Variants in GLIS3 observed in about 807,000 individuals in gnomAD.
GLIS3 encodes the protein zinc finger protein GLIS3.
Under a neutral mutation model 78.6 loss-of-function variants are expected in GLIS3, and 53 were observed. The ratio of observed to expected loss-of-function variants is 0.67; its 90% confidence interval spans 0.54 to 0.85. GLIS3 has a LOEUF of 0.85. Among genes scored for constraint, GLIS3 ranks in the 40% least tolerant of loss-of-function variants. The pLI is 0.00. For synonymous variants in GLIS3, 684 were observed against 509.9 expected (o/e 1.34, Z -4.60); for missense variants, 1,703 against 1,231.1 (o/e 1.38, Z -5.74).
intron 4 of GLIS3, among the ~76,000 whole-genome samples, chr9:4,047,939 G>A (rs1181594148): frequency 6.6e-6 from 1 of 152,166 alleles, no homozygotes; most frequent in Non-Finnish European, 1.5e-5. Flanking sequence ...TTCACCAGCT[G>A]GTAGGCCTAA....
At chr9:4,097,366 A>T (rs1395713699) in intron 4 of GLIS3, among the ~76,000 whole-genome samples, 3 of 152,052 alleles carry the variant, frequency 2.0e-5, no homozygotes, top group Admixed American at 2.0e-4. Context: ...AGGAACAGGG[A>T]AACACACAGG....
chr9:4,272,190 G>T (rs772017563), intron 2 of GLIS3, among the ~76,000 whole-genome samples: 3 of 152,070 alleles, frequency 2.0e-5, no homozygotes, highest in East Asian at 3.9e-4. Flanking sequence ...AGCAAGTTGC[G>T]AATGGCACTT....
chr9:3,934,463 G>A (rs1825784970), intron 5 of GLIS3, among the ~76,000 whole-genome samples: 1 of 149,204 alleles, frequency 6.7e-6, no homozygotes, highest in African/African-American at 2.5e-5. Context: ...AGGCTGGAGT[G>A]CAATGGCACA....
the GLIS3 span, among the ~76,000 whole-genome samples, chr9:4,378,156 G>A: frequency 3.3e-5 from 5 of 152,012 alleles, no homozygotes; most frequent in East Asian, 9.6e-4. Context: ...GTGTGTAGAA[G>A]CTCAATTATG....
intron 4 of GLIS3, among the ~76,000 whole-genome samples, chr9:4,063,226 A>G (rs189169951): frequency 8.5e-4 from 129 of 152,286 alleles, no homozygotes; most frequent in Non-Finnish European, 1.3e-3. Flanking sequence ...CTTATTACTC[A>G]TATGTGTTTT....
intron 4 of GLIS3, among the ~76,000 whole-genome samples, chr9:4,019,289 T>A (rs1392022047): frequency 6.6e-6 from 1 of 152,124 alleles, no homozygotes; most frequent in Non-Finnish European, 1.5e-5. Context: ...TAGAAGGTAA[T>A]GGTGGCCCAG....
intron 2 of GLIS3, among the ~76,000 whole-genome samples, chr9:4,205,449 T>A (rs926680388): frequency 1.3e-5 from 2 of 152,164 alleles, no homozygotes; most frequent in Non-Finnish European, 2.9e-5. Context: ...CAAGGAGATA[T>A]GTTCTGGGGA....
intron 1 of GLIS3, chr9:4,298,385 T>C (rs894001137): frequency 1.5e-5 from 7 of 456,254 alleles, no homozygotes; most frequent in African/African-American, 1.4e-4. Context: ...GCCAGGTACC[T>C]AATTGAATCA....
chr9:4,313,527 C>T (rs980684181), intron 2 of GLIS3, among the ~76,000 whole-genome samples: 1 of 152,214 alleles, frequency 6.6e-6, no homozygotes, highest in African/African-American at 2.4e-5. Context: ...CAGTCTCTCC[C>T]CACACAAATT....
At chr9:4,209,380 T>C (rs1820178852) in intron 2 of GLIS3, among the ~76,000 whole-genome samples, 1 of 152,180 alleles carries the variant, frequency 6.6e-6, no homozygotes, top group Non-Finnish European at 1.5e-5. Flanking sequence ...CTGGCATTCA[T>C]GGGTGTGGAC....
the GLIS3 span, among the ~76,000 whole-genome samples, chr9:4,484,386 T>G: frequency 6.8e-6 from 1 of 148,006 alleles, no homozygotes; most frequent in African/African-American, 2.5e-5. Flanking sequence ...CACAGGTGTG[T>G]GCTACCATGC....
intron 2 of GLIS3, among the ~76,000 whole-genome samples, chr9:4,276,414 A>G (rs1265874993): frequency 3.4e-4 from 2 of 5,812 alleles, no homozygotes; most frequent in African/African-American, 7.3e-4. Flanking sequence ...GAGGGGAGGG[A>G]AGGGGAGGGG....
chr9:4,118,500 G>C lies in GLIS3; in HGVS notation c.978C>G (p.Ser326=). Residue 326 remains serine, a synonymous_variant, in exon 4 of 11, where the codon TCC becomes TCG. Transcript: ENST00000381971. This position sits in a 1 kb window ranked among gnomAD's most constrained non-coding sequence, Gnocchi z 4.7. Reference sequence around the variant, plus strand: ...TCGACCCGTTGATGTAGGCCACCAAGGACGTGGGCGACGTGCGGATGATGG... The same window carrying C: ...TCGACCCGTTGATGTAGGCCACCAACGACGTGGGCGACGTGCGGATGATGG... The part of the protein sequence containing the change: ...FNTIIRTSPT[S]LVAYINGSRA... The C allele has an allele frequency of 6.2e-7, 1 of 1,614,230 alleles. No homozygotes were observed. Among genetic ancestry groups the C allele is most frequent in the South Asian group, 1.1e-5 (1 of 91,088 alleles).
At chr9:4,431,200 C>G in the GLIS3 span, among the ~76,000 whole-genome samples, 1 of 152,196 alleles carries the variant, frequency 6.6e-6, no homozygotes, top group Non-Finnish European at 1.5e-5. Context: ...CCCTTATCCT[C>G]TTCTAATTTT....
intron 4 of GLIS3, among the ~76,000 whole-genome samples, chr9:4,091,243 T>C (rs1829473662): frequency 6.6e-6 from 1 of 152,028 alleles, no homozygotes; most frequent in Non-Finnish European, 1.5e-5. Flanking sequence ...GGTGTACATC[T>C]GTAGTCCCAG....
At chr9:4,465,241 A>C in the GLIS3 span, among the ~76,000 whole-genome samples, 1 of 152,240 alleles carries the variant, frequency 6.6e-6, no homozygotes, top group African/African-American at 2.4e-5. Flanking sequence ...CATTGCATAC[A>C]TTCTTAGTCT....
chr9:4,328,750 T>G (rs10435805), intron 2 of GLIS3, among the ~76,000 whole-genome samples: 73,107 of 152,044 alleles, frequency 0.48, 19,549 homozygotes, highest in African/African-American at 0.74. Context: ...GTAAAACAGG[T>G]ATGGACATAA....
intron 4 of GLIS3, among the ~76,000 whole-genome samples, chr9:4,074,241 T>C (rs550988697): frequency 4.6e-5 from 7 of 152,332 alleles, no homozygotes; most frequent in East Asian, 3.9e-4. Context: ...CCCCAAACCA[T>C]AGTTTGGGTT....
chr9:4,262,163 A>G (rs568668387), intron 2 of GLIS3, among the ~76,000 whole-genome samples: 1 of 152,158 alleles, frequency 6.6e-6, no homozygotes, highest in Non-Finnish European at 1.5e-5. Flanking sequence ...AGTGCAGTGC[A>G]AGGGGGAGAA....
Sources: gnomAD v4.1 joint callset for allele counts (sites outside exome capture counted in the v4.1 genomes callset) on GRCh38, gnomAD v4.1.1 for gene constraint, Gnocchi (gnomAD v3.1) non-coding constraint, MANE v1.5 for transcripts, NCBI Gene and HGNC (gene_info 2026-07-23, HGNC 2026-07-21) for gene names.